The following USP34 variants were observed in gnomAD, a reference collection of about 807,000 sequenced individuals.
The protein encoded by USP34 is ubiquitin specific peptidase 34.
Under a neutral mutation model 460.3 loss-of-function variants are expected in USP34, and 70 were observed. The ratio of observed to expected loss-of-function variants is 0.15; its 90% CI spans 0.13 to 0.19. The LOEUF (loss-of-function observed/expected upper bound fraction) is 0.19. Ranked by LOEUF, USP34 falls within the 10% of genes least tolerant of loss-of-function variation. The probability of loss-of-function intolerance (pLI) is 1.00; values close to 1 mark genes in which losing one functional copy is unlikely to be tolerated. For synonymous variants in USP34, 1,647 were observed against 1,405.3 expected, an observed-to-expected ratio of 1.17 and a Z score of -3.85; for missense variants, 3,985 against 4,236.2, an observed-to-expected ratio of 0.94 and a Z score of 1.65.
chr2:61,388,515 G>T (rs1021136455), intron 5 of USP34, among the ~76,000 whole-genome samples: 4 of 149,124 alleles, frequency 2.7e-5, no homozygotes, highest in Non-Finnish European at 4.4e-5. Context: ...TCAGCACTTT[G>T]GGAGGCCGAT....
intron 8 of USP34, among the ~76,000 whole-genome samples, chr2:61,375,449 T>C (rs1222281323): frequency 6.6e-6 from 1 of 152,156 alleles, no homozygotes; most frequent in African/African-American, 2.4e-5. Flanking sequence ...CATAAATGTT[T>C]ATAATGGCAT....
Position 61,232,544 on chromosome 2 carries a change from A to C in USP34, c.7033-12T>G. ...CGATCTAAAAACCACTGTTAAAAAA[A>C]AATACAGCATGACTTTAACATTCAA... On this transcript the variant is annotated splice_polypyrimidine_tract_variant and intron_variant, in intron 57 of 79. Transcript: ENST00000398571. The C allele has an allele frequency of 6.3e-7, 1 of 1,596,966 alleles. No homozygotes were observed. Among genetic ancestry groups the C allele is most frequent in the Non-Finnish European group, 8.5e-7 (1 of 1,173,502 alleles).
chr2:61,235,693 A>G lies in USP34; in HGVS notation c.7032+152T>C, dbSNP rs1470905101. On this transcript the variant is annotated intron_variant, in intron 57 of 79. Transcript: ENST00000398571. Reference sequence around the variant, plus strand: ...GTGTAATGGATGTGATATATAAATTATAACTTTCTCAGCTACCAAATGATT... The same window carrying G: ...GTGTAATGGATGTGATATATAAATTGTAACTTTCTCAGCTACCAAATGATT... The G allele has an allele frequency of 7.3e-6, 5 of 683,478 alleles. No homozygotes were observed. The East Asian group carries it at 8.2e-5, about 11-fold the overall frequency. The allele number at this position is 683,478 out of a possible 1,614,324, so 42.3% of individuals were successfully genotyped here.
chr2:61,420,732 C>A lies in USP34; in HGVS notation c.131+14G>T. 3 of 1,575,652 alleles carry A rather than the reference C, an allele frequency of 1.9e-6. No homozygotes were observed. The highest frequency in any genetic ancestry group is 2.4e-5 in the South Asian group (2 of 83,378). ...TCACAAAAATTAGTCTTCGAAATAC[C>A]TAAAGATGCATACCTCTGTGTCCAG... On this transcript the variant is annotated intron_variant, in intron 2 of 79. Coordinates refer to ENST00000398571, the MANE Select transcript of USP34 (RefSeq NM_014709.4).
intron 43 of USP34, among the ~76,000 whole-genome samples, chr2:61,263,716 T>A (rs1179857778): frequency 1.3e-5 from 2 of 149,784 alleles, no homozygotes; most frequent in Non-Finnish European, 3.0e-5. Flanking sequence ...TCTCCTAACC[T>A]CGTGATCCAC....
At chr2:61,208,213 T>C (rs907988233) in intron 70 of USP34, 5 of 152,210 alleles carry the variant, frequency 3.3e-5, no homozygotes, top group Non-Finnish European at 5.9e-5. Flanking sequence ...CATATTCTGA[T>C]TGCCTCCTTT....
At chr2:61,223,014 T>A (rs1203166547) in intron 64 of USP34, 46 bp downstream of exon 64, 1 of 1,524,148 alleles carries the variant, frequency 6.6e-7, no homozygotes, top group Non-Finnish European at 9.0e-7. Flanking sequence ...AGGGTATTCT[T>A]TTTTAAAATT....
chr2:61,454,738 T>A (rs551896620), intron 1 of USP34, among the ~76,000 whole-genome samples: 1 of 148,146 alleles, frequency 6.8e-6, no homozygotes, highest in Admixed American at 6.8e-5. Context: ...TTAGTAGACA[T>A]GGGTTTCACC....
At chr2:61,223,556 G>T in intron 62 of USP34, 1 of 373,758 alleles carries the variant, frequency 2.7e-6, no homozygotes, top group Non-Finnish European at 4.8e-6. Flanking sequence ...ACAGTAGGAT[G>T]GGTCTTATTT....
chr2:61,321,245 G>C (rs1320776936), intron 21 of USP34, among the ~76,000 whole-genome samples: 1 of 151,912 alleles, frequency 6.6e-6, no homozygotes, highest in Non-Finnish European at 1.5e-5. Flanking sequence ...GGCTGAGGCA[G>C]GCAGATCATG....
chr2:61,236,497 A>C (rs1289652921), intron 53 of USP34, 108 bp from the exon 54 acceptor site: 3 of 783,104 alleles, frequency 3.8e-6, no homozygotes, highest in Admixed American at 3.3e-5. Flanking sequence ...AAAATAAAAT[A>C]AAATCCATGC....
intron 3 of USP34, 117 bp from the exon 4 acceptor site, chr2:61,395,350 C>T: frequency 1.5e-6 from 1 of 686,842 alleles, no homozygotes; most frequent in South Asian, 1.7e-5. Context: ...TTTGCAATTA[C>T]TCCTGATAAG....
chr2:61,374,739 T>C (rs899802592), intron 8 of USP34, among the ~76,000 whole-genome samples: 3 of 152,100 alleles, frequency 2.0e-5, no homozygotes, highest in South Asian at 2.1e-4. Flanking sequence ...CAGCTAATTT[T>C]TGTATTTTTA....
chr2:61,386,961 G>A lies in USP34; in HGVS notation c.754-3625C>T, dbSNP rs540116884. 1.5e-4 allele frequency among the ~76,000 whole-genome samples: 23 copies of A among 152,170 alleles called. No homozygotes were observed. The South Asian group carries it at 4.8e-3, about 32-fold the overall frequency. On this transcript the variant is annotated intron_variant, in intron 5 of 79. Coordinates refer to ENST00000398571, the MANE Select transcript of USP34 (RefSeq NM_014709.4). ...CAACAGTGAAAAGCAACACGAGAGT[G>A]GAAGATATTGGCAATACATATATCA...
intron 1 of USP34, among the ~76,000 whole-genome samples, chr2:61,442,458 T>C (rs185699698): frequency 1.5e-4 from 22 of 144,930 alleles, no homozygotes; most frequent in East Asian, 9.9e-4. Flanking sequence ...ACAATGTGAA[T>C]AGACATTTCT....
intron 5 of USP34, among the ~76,000 whole-genome samples, chr2:61,383,669 G>C (rs753091502): frequency 1.3e-5 from 2 of 152,214 alleles, no homozygotes; most frequent in East Asian, 3.9e-4. Context: ...GTGGTGAGCC[G>C]AGATTGTGCC....
chr2:61,214,320 C>G lies in USP34; in HGVS notation c.8422G>C (p.Val2808Leu), dbSNP rs757288273. ...ATATTCTCTGGACAGTCAGCACAGACATTGTACCAAAATGAAAGCAAAGCC... is the reference window on the plus strand; with the variant it reads ...ATATTCTCTGGACAGTCAGCACAGAGATTGTACCAAAATGAAAGCAAAGCC... ...KQALLSFWYN[V>L]CADCPENIRL... The change falls in exon 68 of 80, where the codon GTC (valine) becomes CTC (leucine). Residue 2808 changes from valine to leucine, a missense_variant. Coordinates refer to ENST00000398571, the MANE Select transcript of USP34 (RefSeq NM_014709.4). The G allele has an allele frequency of 2.5e-6, 4 of 1,614,238 alleles. No homozygotes were observed. In the South Asian group the frequency reaches 4.4e-5, roughly 18 times the overall value.
intron 48 of USP34, among the ~76,000 whole-genome samples, chr2:61,251,404 T>C (rs1688578344): frequency 6.6e-6 from 1 of 152,192 alleles, no homozygotes; most frequent in Non-Finnish European, 1.5e-5. Context: ...TTGTAGAAAA[T>C]ATTGTTTAAT....
At chr2:61,257,895 C>CA (rs533259143) in intron 44 of USP34, among the ~76,000 whole-genome samples, 21 of 151,688 alleles carry the variant, frequency 1.4e-4, no homozygotes, top group African/African-American at 2.7e-4. Flanking sequence ...ACAAAACAAA[C>CA]AAAAAAAACA....
Sources: gnomAD v4.1 joint callset for allele counts (sites outside exome capture counted in the v4.1 genomes callset) on GRCh38, gnomAD v4.1.1 for gene constraint, MANE v1.5 for transcripts, NCBI Gene and HGNC (gene_info 2026-07-23, HGNC 2026-07-21) for gene names.